The following CUTC variants were observed in gnomAD, a reference collection of about 807,000 sequenced individuals.
The protein encoded by CUTC is copper homeostasis protein cutC homolog.
A neutral mutation model predicts 36.2 loss-of-function variants in CUTC; 27 were observed. The ratio of observed to expected loss-of-function variants is 0.75; its 90% CI spans 0.55 to 1.03. CUTC has a LOEUF of 1.03. Ranked by LOEUF, CUTC falls within the 50% of genes least tolerant of loss-of-function variation. The probability of loss-of-function intolerance (pLI) is 0.00; values close to 1 mark genes in which losing one functional copy is unlikely to be tolerated. For missense variants in CUTC, 315 were observed against 343.5 expected, an observed-to-expected ratio of 0.92 and a Z score of 0.66; for synonymous variants, 114 against 118.3, an observed-to-expected ratio of 0.96 and a Z score of 0.24.
At chr10:99,751,578 C>A (rs2133679233) in intron 7 of CUTC, among the ~76,000 whole-genome samples, 1 of 152,176 alleles carries the variant, frequency 6.6e-6, no homozygotes, top group South Asian at 2.1e-4. Context: ...TAAGTTTGGG[C>A]TGGGCCCAGT....
At chr10:99,748,866 T>C (rs1230721993) in intron 6 of CUTC, among the ~76,000 whole-genome samples, 1 of 152,126 alleles carries the variant, frequency 6.6e-6, no homozygotes, top group African/African-American at 2.4e-5. Flanking sequence ...AAGCATAACT[T>C]AAAACACTGA....
intron 2 of CUTC, among the ~76,000 whole-genome samples, chr10:99,738,863 AC>A (rs1328739708): frequency 6.6e-6 from 1 of 152,062 alleles, no homozygotes; most frequent in African/African-American, 2.4e-5. Flanking sequence ...TCAGCTTTTC[AC>A]CTAATAAATT....
rs770846461 is a variant in CUTC, at chr10:99,739,738, T to C, written c.162T>C (p.Gly54=). The part of the protein sequence containing the change: ...GGADRIELCS[G]LSEGGTTPSM... The stretch of plus-strand genomic sequence containing the variant: ...CTGATCGGATTGAATTATGTTCTGG[T>C]TTATCAGAGGGGGGAACTACACCCA... Residue 54 remains glycine (G), a synonymous_variant, in exon 3 of 9, where the codon GGT becomes GGC. Coordinates refer to ENST00000370476, the MANE Select transcript of CUTC (RefSeq NM_015960.3). 2.5e-6 allele frequency: 4 copies of C among 1,611,970 alleles called. No homozygotes were observed. The highest frequency in any genetic ancestry group is 3.3e-4 in the Middle Eastern group (2 of 6,058).
Position 99,744,029 on chromosome 10 carries a change from T to A in CUTC, c.404-8T>A, listed in dbSNP as rs1418066102. On this transcript the variant is annotated splice_polypyrimidine_tract_variant and splice_region_variant and intron_variant, in intron 4 of 8. Coordinates refer to ENST00000370476, the MANE Select transcript of CUTC (RefSeq NM_015960.3). ...CATTCATGTTGTTATATGACTTTCTTTTTATAGCTATTTGCCGCCCTCTGC... is the reference window on the plus strand; with the variant it reads ...CATTCATGTTGTTATATGACTTTCTATTTATAGCTATTTGCCGCCCTCTGC... 6.2e-7 allele frequency: 1 copy of A among 1,611,332 alleles called. No individual in the cohort carries two copies. Among genetic ancestry groups the A allele is most frequent in the Admixed American group, 1.7e-5 (1 of 59,934 alleles).
chr10:99,732,758 G>C (rs767128847), intron 1 of CUTC, among the ~76,000 whole-genome samples: 2 of 152,218 alleles, frequency 1.3e-5, no homozygotes, highest in Non-Finnish European at 2.9e-5. Flanking sequence ...CGCTGGGATA[G>C]TTAATTGTCG....
At chr10:99,748,748 G>A (rs1426726566) in intron 6 of CUTC, among the ~76,000 whole-genome samples, 1 of 152,192 alleles carries the variant, frequency 6.6e-6, no homozygotes, top group Non-Finnish European at 1.5e-5. Context: ...GGATGTTTGG[G>A]AGTTATCTGT....
intron 7 of CUTC, among the ~76,000 whole-genome samples, chr10:99,753,089 G>C (rs1039701540): frequency 6.6e-6 from 1 of 152,166 alleles, no homozygotes; most frequent in Non-Finnish European, 1.5e-5. Flanking sequence ...AGTTCTGTGG[G>C]ATCCTTTTTA....
chr10:99,736,388 T>C, intron 2 of CUTC, 71 bp downstream of exon 2: 1 of 1,154,058 alleles, frequency 8.7e-7, no homozygotes, highest in Non-Finnish European at 1.3e-6. Context: ...CCTGTGTGCT[T>C]ATCTCAGAAG....
At chr10:99,732,903 C>T (rs1017579696) in intron 1 of CUTC, among the ~76,000 whole-genome samples, 13 of 152,152 alleles carry the variant, frequency 8.5e-5, no homozygotes, top group Non-Finnish European at 1.9e-4. Context: ...TCCTGAGTGC[C>T]AGGGTAGCAT....
chr10:99,732,318 T>C lies in CUTC; in HGVS notation c.-31T>C, dbSNP rs746494494. ...CGGAGCCCAAATTCCAAGTGGAAAC[T>C]GCAGGCGCACGAGGGAGGAACGCGT... is the stretch of plus-strand genomic sequence containing the variant. On this transcript the variant is annotated 5_prime_UTR_variant, in exon 1 of 9. Transcript: ENST00000370476. 33 of 1,550,690 alleles carry C rather than the reference T, an allele frequency of 2.1e-5. No homozygotes were observed. Among genetic ancestry groups the C allele is most frequent in the Non-Finnish European group, 2.7e-5 (31 of 1,146,864 alleles).
intron 7 of CUTC, among the ~76,000 whole-genome samples, chr10:99,753,470 T>G (rs1482708390): frequency 6.6e-6 from 1 of 152,206 alleles, no homozygotes; most frequent in Non-Finnish European, 1.5e-5. Flanking sequence ...GGTGCAGTGG[T>G]GCAGTCTCAG....
In CUTC at chr10:99,739,620, C is replaced by T. The variant is rs1590118346; in HGVS notation, c.134-90C>T. Reference sequence around the variant, plus strand: ...CTCTGAGATGATTTCTAAGACTGTTCTATATTTGGAAAAAATATATATAAA... The same window carrying T: ...CTCTGAGATGATTTCTAAGACTGTTTTATATTTGGAAAAAATATATATAAA... On this transcript the variant is annotated intron_variant, in intron 2 of 8. Coordinates refer to ENST00000370476, the MANE Select transcript of CUTC (RefSeq NM_015960.3). 1.1e-5 allele frequency: 13 copies of T among 1,188,246 alleles called. No individual in the cohort carries two copies. The East Asian group carries it at 3.1e-4, about 29-fold the overall frequency. The allele number at this position is 1,188,246 out of a possible 1,614,324, so 73.6% of individuals were successfully genotyped here. A position where few individuals can be genotyped will look rare whatever the true frequency, so the allele number is the denominator to read the frequency against.
At chr10:99,754,694 A>G in intron 8 of CUTC, 60 bp downstream of exon 8, 1 of 1,267,138 alleles carries the variant, frequency 7.9e-7, no homozygotes, top group Non-Finnish European at 1.1e-6. Context: ...CTTTCTCCCA[A>G]ATAGAAAAAC....
intron 7 of CUTC, 142 bp downstream of exon 7, chr10:99,750,538 T>A: frequency 2.0e-6 from 1 of 511,166 alleles, no homozygotes; most frequent in Non-Finnish European, 3.2e-6. Flanking sequence ...TATAGTTTGA[T>A]TAAAATGTTT....
At chr10:99,754,882 T>C (rs534020530) in intron 8 of CUTC, among the ~76,000 whole-genome samples, 1 of 152,336 alleles carries the variant, frequency 6.6e-6, no homozygotes, top group South Asian at 2.1e-4. Context: ...GACCAGTTAA[T>C]AGTAAACAAA....
intron 7 of CUTC, among the ~76,000 whole-genome samples, chr10:99,754,045 G>A (rs2037437886): frequency 6.6e-6 from 1 of 152,192 alleles, no homozygotes; most frequent in Non-Finnish European, 1.5e-5. Flanking sequence ...TCTGTGAAAT[G>A]AAGTATAAAG....
rs867595661 is a variant in CUTC, at chr10:99,754,633, C to T, written c.706C>T (p.Arg236Ter). The stretch of plus-strand genomic sequence containing the variant: ...TACTAGAGACTCGGGAATGAAGTTT[C>T]GGTAAAAATGTATTCTTCGATTCAA... ...RSTRDSGMKF[R>*]NSSVAMGASL... Residue 236 changes from arginine to a stop codon, truncating the protein, a stop_gained and splice_region_variant, in exon 8 of 9, where the codon CGA (arginine) becomes TGA (stop). Transcript: ENST00000370476. LOFTEE classifies it high-confidence loss of function. The T allele has an allele frequency of 8.8e-6, 14 of 1,597,978 alleles. No individual in the cohort carries two copies. Among genetic ancestry groups the T allele is most frequent in the South Asian group, 1.1e-5 (1 of 89,810 alleles).
At chr10:99,746,369 G>A (rs1328140548) in intron 5 of CUTC, among the ~76,000 whole-genome samples, 4 of 152,118 alleles carry the variant, frequency 2.6e-5, no homozygotes, top group Non-Finnish European at 5.9e-5. Context: ...CGAGGGTGGA[G>A]GGTGGGAGGA....
At position 99,732,301 on chromosome 10, in the gene CUTC, A is replaced by C. The variant is rs2037201747; in HGVS notation, c.-48A>C. The C allele has an allele frequency of 1.3e-6, 2 of 1,549,480 alleles. No individual in the cohort carries two copies. Among genetic ancestry groups the C allele is most frequent in the Non-Finnish European group, 1.7e-6 (2 of 1,146,270 alleles). On this transcript the variant is annotated 5_prime_UTR_variant, in exon 1 of 9. Transcript: ENST00000370476. Reference sequence around the variant, plus strand: ...TCTTAGCTGGTGCGCGCCGGAGCCCAAATTCCAAGTGGAAACTGCAGGCGC... The same window carrying C: ...TCTTAGCTGGTGCGCGCCGGAGCCCCAATTCCAAGTGGAAACTGCAGGCGC...
Sources: allele counts gnomAD v4.1 joint callset (sites outside exome capture counted in the v4.1 genomes callset), GRCh38; gene constraint gnomAD v4.1.1; transcripts MANE v1.5; gene names NCBI Gene and HGNC (gene_info 2026-07-23, HGNC 2026-07-21).